The following POLH variants were observed in gnomAD, a reference collection of about 807,000 sequenced individuals.
POLH encodes the protein DNA polymerase eta.
Under a neutral mutation model 73.6 loss-of-function variants are expected in POLH, and 53 were observed. That is an observed-to-expected ratio of 0.72 (90% CI 0.58 to 0.91). The LOEUF is 0.91. Ranked by LOEUF, POLH falls within the 40% of genes least tolerant of loss-of-function variation. The pLI is 0.00. For missense variants in POLH, 768 were observed against 865.4 expected (o/e 0.89, Z 1.41); for synonymous variants, 292 against 308.5 (o/e 0.95, Z 0.56).
rs1170492533 is a variant in POLH at position 43,618,794 on chromosome 6, C to CTAAT, written c.*4239_*4242dup. Reference sequence around the variant, plus strand: ...TATAGGCATGCACCATCACGCCTGGCTAATTTTTGTATTTTTAGTAGAGAT... The same window carrying CTAAT: ...TATAGGCATGCACCATCACGCCTGGCTAATTAATTTTTGTATTTTTAGTAGAGAT... On this transcript the variant is annotated 3_prime_UTR_variant, in exon 11 of 11. Transcript: ENST00000372236. 6.6e-6 allele frequency among the ~76,000 whole-genome samples: 1 copy of CTAAT among 152,082 alleles called. No individual in the cohort carries two copies. Among genetic ancestry groups the CTAAT allele is most frequent in the Non-Finnish European group, 1.5e-5 (1 of 68,028 alleles).
At chr6:43,598,201 C>CAAAAAAAAAAAAAAAAAA (rs560020212) in intron 5 of POLH, among the ~76,000 whole-genome samples, 14 of 73,318 alleles carry the variant, frequency 1.9e-4, no homozygotes, top group African/African-American at 6.6e-4. Context: ...AGACTGTCAC[C>CAAAAAAAAAAAAAAAAAA]AAAAAAAAAA....
chr6:43,584,077 A>G (rs536295334), intron 3 of POLH, among the ~76,000 whole-genome samples: 1 of 152,316 alleles, frequency 6.6e-6, no homozygotes, highest in Admixed American at 6.5e-5. Flanking sequence ...TGGGAGGCAG[A>G]GGTTGCAGTG....
At chr6:43,593,687 C>T (rs1379128327) in intron 4 of POLH, among the ~76,000 whole-genome samples, 1 of 152,006 alleles carries the variant, frequency 6.6e-6, no homozygotes, top group Non-Finnish European at 1.5e-5. Flanking sequence ...TGAGACCATC[C>T]TGGCCAACAT....
intron 4 of POLH, 136 bp from the exon 5 acceptor site, chr6:43,597,560 C>T (rs908171477): frequency 1.3e-6 from 1 of 770,498 alleles, no homozygotes; most frequent in Non-Finnish European, 2.1e-6. Flanking sequence ...TATAATTGGT[C>T]TTCTAAGCTG....
At chr6:43,582,038 A>G (rs895484165) in intron 1 of POLH, among the ~76,000 whole-genome samples, 8 of 152,224 alleles carry the variant, frequency 5.3e-5, no homozygotes, top group Admixed American at 5.2e-4. Flanking sequence ...TTATTAGAGC[A>G]TTGTAGGTTT....
At chr6:43,602,710 C>T (rs1766865104) in intron 6 of POLH, among the ~76,000 whole-genome samples, 1 of 152,076 alleles carries the variant, frequency 6.6e-6, no homozygotes, top group African/African-American at 2.4e-5. Flanking sequence ...CTCTGTTGCC[C>T]AGGCTGGAGT....
intron 10 of POLH, among the ~76,000 whole-genome samples, chr6:43,613,226 G>A (rs1768082568): frequency 6.6e-6 from 1 of 152,154 alleles, no homozygotes; most frequent in Non-Finnish European, 1.5e-5. Flanking sequence ...TTTAAAAACA[G>A]GATAATGGCT....
At chr6:43,594,460 C>T (rs191739974) in intron 4 of POLH, among the ~76,000 whole-genome samples, 6 of 152,276 alleles carry the variant, frequency 3.9e-5, no homozygotes, top group East Asian at 1.9e-4. Context: ...CAGTGGCTCA[C>T]GCCTGTAATC....
In POLH at chr6:43,614,449, T is replaced by G. The variant is rs1233962644; in HGVS notation, c.2034T>G (p.Ser678=). 1 of 1,614,122 alleles carries G rather than the reference T, an allele frequency of 6.2e-7. No homozygotes were observed. Among genetic ancestry groups the G allele is most frequent in the African/African-American group, 1.3e-5 (1 of 75,032 alleles). Residue 678 remains serine, a synonymous_variant, in exon 11 of 11, where the codon TCT becomes TCG. Coordinates refer to ENST00000372236, the MANE Select transcript of POLH (RefSeq NM_006502.3). ...SSNPQVVSAV[S]HQGKRNPKSP... is the part of the protein sequence containing the mutation. ...ACCCCCAGGTTGTTTCTGCCGTATC[T>G]CATCAAGGCAAAAGAAATCCCAAGA...
Position 43,615,720 on chromosome 6 carries a change from T to G in POLH, c.*1163T>G, listed in dbSNP as rs1176829493. Reference sequence around the variant, plus strand: ...ACGGAGTCTCCCTCTGTCGTCAGGCTAGAATGCAGTGGTGCGTTCTCAGCT... The same window carrying G: ...ACGGAGTCTCCCTCTGTCGTCAGGCGAGAATGCAGTGGTGCGTTCTCAGCT... On this transcript the variant is annotated 3_prime_UTR_variant, in exon 11 of 11. Coordinates refer to ENST00000372236, the MANE Select transcript of POLH (RefSeq NM_006502.3). 1 of 151,942 alleles carries G rather than the reference T, an allele frequency of 6.6e-6. No individual in the cohort carries two copies. The highest frequency in any genetic ancestry group is 2.4e-5 in the African/African-American group (1 of 41,410). The allele number at this position is 151,942 out of a possible 1,614,324, so 9.4% of individuals were successfully genotyped here.
intron 4 of POLH, among the ~76,000 whole-genome samples, chr6:43,592,434 CTCTT>C (rs376402873): frequency 0.061 from 8,253 of 135,772 alleles, 339 homozygotes; most frequent in Middle Eastern, 0.088. Context: ...GAGAGGGAGT[CTCTT>C]TCTCGCTCTG....
At chr6:43,611,492 C>G (rs1582320278) in intron 10 of POLH, among the ~76,000 whole-genome samples, 1 of 152,268 alleles carries the variant, frequency 6.6e-6, no homozygotes, top group East Asian at 1.9e-4. Context: ...CTTTTTGGAG[C>G]ATCTTCATTT....
rs750756837 is a variant in POLH, at chr6:43,613,626, T to G, written c.1245-34T>G. The G allele has an allele frequency of 3.9e-6, 6 of 1,542,784 alleles. No individual in the cohort carries two copies. In the South Asian group the frequency reaches 6.7e-5, roughly 17 times the overall value. On this transcript the variant is annotated intron_variant, in intron 10 of 10. Transcript: ENST00000372236. ...AGGTCACTATTTTAATCTTCTAAATTGCTAATCATCTTATTTCTTTACTTT... is the reference window on the plus strand; with the variant it reads ...AGGTCACTATTTTAATCTTCTAAATGGCTAATCATCTTATTTCTTTACTTT...
At chr6:43,581,788 G>C (rs905558975) in intron 1 of POLH, among the ~76,000 whole-genome samples, 5 of 150,478 alleles carry the variant, frequency 3.3e-5, no homozygotes, top group African/African-American at 1.2e-4. Flanking sequence ...CCGGGCCGCA[G>C]CGCAGCCGCG....
chr6:43,589,458 C>T (rs1051734812), intron 4 of POLH, among the ~76,000 whole-genome samples: 1 of 152,176 alleles, frequency 6.6e-6, no homozygotes, highest in Non-Finnish European at 1.5e-5. Context: ...TTACATTTCT[C>T]TGATCACTAA....
intron 1 of POLH, among the ~76,000 whole-genome samples, chr6:43,580,256 C>T (rs1763882156): frequency 7.1e-6 from 1 of 139,918 alleles, no homozygotes; most frequent in Non-Finnish European, 1.6e-5. Flanking sequence ...GATCCCAAGG[C>T]AGAGGAATTT....
intron 1 of POLH, among the ~76,000 whole-genome samples, chr6:43,580,916 ACG>A (rs1764067943): frequency 6.8e-6 from 1 of 146,884 alleles, no homozygotes; most frequent in African/African-American, 2.5e-5. Flanking sequence ...TCCCTCCCGG[ACG>A]GCACGGCTGG....
At chr6:43,609,802 C>T (rs141803509) in intron 9 of POLH, among the ~76,000 whole-genome samples, 6 of 152,070 alleles carry the variant, frequency 3.9e-5, no homozygotes, top group Non-Finnish European at 8.8e-5. Flanking sequence ...AAAATAGTAT[C>T]TAGTATTGTA....
At chr6:43,610,459 C>G (rs1484802674) in intron 9 of POLH, 95 bp from the exon 10 acceptor site, 4 of 985,766 alleles carry the variant, frequency 4.1e-6, no homozygotes, top group Non-Finnish European at 6.5e-6. Context: ...CCATTGTCAC[C>G]CTGGTTCTTT....
Sources: allele counts gnomAD v4.1 joint callset (sites outside exome capture counted in the v4.1 genomes callset), GRCh38; gene constraint gnomAD v4.1.1; transcripts MANE v1.5; gene names NCBI Gene and HGNC (gene_info 2026-07-23, HGNC 2026-07-21).